SYT1: variants seen among roughly 807,000 people sequenced by gnomAD.
SYT1 encodes synaptotagmin-1.
A neutral mutation model predicts 44.8 loss-of-function variants in SYT1; 8 were observed. The observed-to-expected ratio is 0.18, with a 90% CI of 0.10 to 0.32. The LOEUF is 0.32. Ranked by LOEUF, SYT1 falls within the 10% of genes least tolerant of loss-of-function variation. SYT1 has a pLI of 1.00. For missense variants in SYT1, 286 were observed against 509.3 expected (o/e 0.56, Z 4.22); for synonymous variants, 154 against 188.8 (o/e 0.82, Z 1.51).
At chr12:79,238,006 C>T (rs1178088241) in intron 4 of SYT1, among the ~76,000 whole-genome samples, 1 of 152,118 alleles carries the variant, frequency 6.6e-6, no homozygotes, top group Non-Finnish European at 1.5e-5. Flanking sequence ...AAGAGATAAC[C>T]TCTAGACTGT....
rs1885273672 is a variant in SYT1 at position 79,407,214 on chromosome 12, C to G, written c.929-36859C>G. On this transcript the variant is annotated intron_variant, in intron 9 of 10. Transcript: ENST00000261205. ...CCCCGGGATGATCTGTTACTTATGA[C>G]TAATCATACTCTGTGTACTTATACC... 2.0e-5 allele frequency among the ~76,000 whole-genome samples: 3 copies of G among 152,032 alleles called. No individual in the cohort carries two copies. The South Asian group carries it at 6.2e-4, about 32-fold the overall frequency.
chr12:79,072,309 T>C (rs1876337987), intron 3 of SYT1, among the ~76,000 whole-genome samples: 1 of 152,112 alleles, frequency 6.6e-6, no homozygotes, highest in African/African-American at 2.4e-5. Context: ...TGAAATAGAA[T>C]GATAAAATCT....
chr12:79,431,755 C>A (rs1046521395), intron 9 of SYT1, among the ~76,000 whole-genome samples: 3 of 151,988 alleles, frequency 2.0e-5, no homozygotes, highest in African/African-American at 7.3e-5. Context: ...GTTGGTCAGG[C>A]TGGTCTCGAA....
chr12:79,254,139 T>G (rs1333394181), intron 4 of SYT1, among the ~76,000 whole-genome samples: 1 of 152,180 alleles, frequency 6.6e-6, no homozygotes, highest in African/African-American at 2.4e-5. Flanking sequence ...GGAAGAAGAC[T>G]TTCATAGGAC....
At chr12:79,069,507 ACT>A (rs553861170) in intron 3 of SYT1, among the ~76,000 whole-genome samples, 1 of 151,382 alleles carries the variant, frequency 6.6e-6, no homozygotes, top group Non-Finnish European at 1.5e-5. Flanking sequence ...GGATGTTGAG[ACT>A]CTAAGTGATT....
chr12:78,875,167 T>C (rs1874001858), intron 1 of SYT1, among the ~76,000 whole-genome samples: 1 of 151,662 alleles, frequency 6.6e-6, no homozygotes, highest in Non-Finnish European at 1.5e-5. Context: ...AAATATATTA[T>C]ACATTTTTAT....
At chr12:79,347,041 CTT>C (rs59524429) in intron 8 of SYT1, among the ~76,000 whole-genome samples, 5,316 of 125,844 alleles carry the variant, frequency 0.042, 280 homozygotes, top group African/African-American at 0.13. Flanking sequence ...TTTGTTTTTT[CTT>C]TTTTTTTTTT....
chr12:78,947,309 C>G (rs531748019), intron 1 of SYT1, among the ~76,000 whole-genome samples: 1 of 152,066 alleles, frequency 6.6e-6, no homozygotes, highest in Non-Finnish European at 1.5e-5. Flanking sequence ...AAATTTTTCA[C>G]TGGCAAAGCT....
At chr12:79,126,795 G>A (rs1013196072) in intron 3 of SYT1, among the ~76,000 whole-genome samples, 1 of 152,176 alleles carries the variant, frequency 6.6e-6, no homozygotes, top group East Asian at 1.9e-4. Flanking sequence ...CCCTTATTAT[G>A]TCTTGGACTC....
intron 3 of SYT1, among the ~76,000 whole-genome samples, chr12:79,088,375 A>G (rs563092922): frequency 1.8e-4 from 28 of 152,258 alleles, no homozygotes; most frequent in African/African-American, 6.7e-4. Context: ...GGAAACAGGC[A>G]TACAAAACGA....
chr12:79,347,614 T>C (rs1057459961), intron 8 of SYT1, among the ~76,000 whole-genome samples: 2 of 152,166 alleles, frequency 1.3e-5, no homozygotes, highest in Non-Finnish European at 2.9e-5. Context: ...ACTCAACATA[T>C]GACAAATGAA....
chr12:78,908,777 T>C (rs1876139748), intron 1 of SYT1, among the ~76,000 whole-genome samples: 1 of 151,958 alleles, frequency 6.6e-6, no homozygotes, highest in Admixed American at 6.6e-5. Context: ...TCCACTATTT[T>C]GGCCCTTAGT....
Position 78,934,173 on chromosome 12 carries a change from T to TACACAC in SYT1, c.-216-43613_-216-43608dup, listed in dbSNP as rs78125687. Among the ~76,000 whole-genome samples, 80 of 148,314 alleles carry TACACAC rather than the reference T, an allele frequency of 5.4e-4. 1 individual carries two copies. The East Asian group carries it at 0.01, about 19-fold the overall frequency. Reference sequence around the variant, plus strand: ...ATGTGCGTGTGTACACACACACACATACACACACACACACACACCATACCT... The same window carrying TACACAC: ...ATGTGCGTGTGTACACACACACACATACACACACACACACACACACACACCATACCT... On this transcript the variant is annotated intron_variant, in intron 1 of 10. Transcript: ENST00000261205.
intron 4 of SYT1, among the ~76,000 whole-genome samples, chr12:79,227,884 C>T (rs757445784): frequency 5.3e-5 from 8 of 152,072 alleles, no homozygotes; most frequent in South Asian, 2.1e-4. Flanking sequence ...TTAGAAAAAC[C>T]CTCTATTCAG....
intron 1 of SYT1, among the ~76,000 whole-genome samples, chr12:78,871,057 A>G (rs999595992): frequency 6.6e-6 from 1 of 152,086 alleles, no homozygotes; most frequent in African/African-American, 2.4e-5. Context: ...GAGTCAGTAT[A>G]GTATTTTTTT....
At chr12:79,316,567 A>G (rs115834446) in intron 8 of SYT1, among the ~76,000 whole-genome samples, 206 of 152,308 alleles carry the variant, frequency 1.4e-3, no homozygotes, top group African/African-American at 4.7e-3. Context: ...TAGTCTATAC[A>G]GGAATGTGTT....
At chr12:79,222,220 T>C (rs1050664738) in intron 4 of SYT1, among the ~76,000 whole-genome samples, 5 of 152,102 alleles carry the variant, frequency 3.3e-5, no homozygotes, top group African/African-American at 1.2e-4. Context: ...GCTCTCAGGA[T>C]CCTCTTTTTT....
intron 3 of SYT1, among the ~76,000 whole-genome samples, chr12:79,056,339 GAGGAGTCCATC>G (rs746166821): frequency 6.6e-6 from 1 of 152,146 alleles, no homozygotes; most frequent in Non-Finnish European, 1.5e-5. Flanking sequence ...CTTGCTTTGG[GAGGAGTCCATC>G]AGGAGCCCTC....
chr12:78,948,482 T>C (rs1019409868), intron 1 of SYT1, among the ~76,000 whole-genome samples: 1 of 152,062 alleles, frequency 6.6e-6, no homozygotes, highest in Admixed American at 6.6e-5. Flanking sequence ...GATACAGATA[T>C]AATACACTCT....
Sources: gnomAD v4.1 joint callset for allele counts (sites outside exome capture counted in the v4.1 genomes callset) on GRCh38, gnomAD v4.1.1 for gene constraint, MANE v1.5 for transcripts, NCBI Gene and HGNC (gene_info 2026-07-23, HGNC 2026-07-21) for gene names.